WDR31: variants seen among roughly 807,000 people sequenced by gnomAD.
WDR31 encodes the protein WD repeat domain 31.
In WDR31, 30 loss-of-function variants were observed where a neutral mutation model predicts 47.3. That is an observed-to-expected ratio of 0.63 (90% confidence interval 0.47 to 0.86). The LOEUF is 0.86. Ranked by LOEUF, WDR31 falls within the 40% of genes least tolerant of loss-of-function variation. The probability of loss-of-function intolerance (pLI) is 0.00; values close to 1 mark genes in which losing one functional copy is unlikely to be tolerated. For missense variants in WDR31, 406 were observed against 442.9 expected (o/e 0.92, Z 0.75); for synonymous variants, 137 against 159.4 (o/e 0.86, Z 1.06).
chr9:113,321,517 G>T lies in WDR31; in HGVS notation c.632C>A (p.Thr211Asn), dbSNP rs1036615052. The T allele has an allele frequency of 1.9e-6, 3 of 1,614,130 alleles. No individual in the cohort carries two copies. Among genetic ancestry groups the T allele is most frequent in the South Asian group, 1.1e-5 (1 of 91,070 alleles). Residue 211 changes from threonine to asparagine, a missense_variant, in exon 8 of 11, where the codon ACC becomes AAC. Transcript: ENST00000374193. ...PYILQTSEDKTLRLWDSRGLQ... is the reference protein window; with the variant it reads ...PYILQTSEDKNLRLWDSRGLQ... The stretch of plus-strand genomic sequence containing the variant: ...AGCTGCTCAGTAAGCCCACCTGAGG[G>T]TTTTATCTTCAGAGGTCTGTAGTAT...
At chr9:113,318,684 C>T (rs780537446) in intron 9 of WDR31, 47 bp from the exon 10 acceptor site, 41 of 1,601,608 alleles carry the variant, frequency 2.6e-5, no homozygotes, top group Admixed American at 8.4e-5. Context: ...TGTCTAGCTT[C>T]ATCCATGAAT....
At position 113,316,551 on chromosome 9, in the gene WDR31, A is replaced by G; in HGVS notation, c.*198T>C. The G allele has an allele frequency of 1.7e-6, 1 of 588,042 alleles. No homozygotes were observed. Among genetic ancestry groups the G allele is most frequent in the East Asian group, 2.8e-5 (1 of 35,370 alleles). 36.4% of individuals were successfully genotyped at this position (588,042 alleles called of 1,614,324 possible). A position where few individuals can be genotyped will look rare whatever the true frequency, so the allele number is the denominator to read the frequency against. On this transcript the variant is annotated 3_prime_UTR_variant, in exon 11 of 11. Transcript: ENST00000374193. Reference sequence around the variant, plus strand: ...AAATAGAGAACCTTATGTGTAGTCCATGTTTCTGGACTCTATACCTGATTT... The same window carrying G: ...AAATAGAGAACCTTATGTGTAGTCCGTGTTTCTGGACTCTATACCTGATTT...
chr9:113,318,460 C>G lies in WDR31; in HGVS notation c.943+15G>C, dbSNP rs537229412. 1.9e-6 allele frequency: 3 copies of G among 1,614,118 alleles called. No homozygotes were observed. In the African/African-American group the frequency reaches 4.0e-5, roughly 22 times the overall value. On this transcript the variant is annotated intron_variant, in intron 10 of 10. Transcript: ENST00000374193. ...TCATGTATCTTTTGAGGAGAACTAA[C>G]AGCAGGCTGCTTACCTCCAGTATCT...
intron 2 of WDR31, among the ~76,000 whole-genome samples, chr9:113,332,478 G>A (rs946077385): frequency 2.6e-5 from 4 of 152,168 alleles, no homozygotes; most frequent in Admixed American, 2.6e-4. Flanking sequence ...AAGGAATGAA[G>A]TACTCGTACA....
At chr9:113,322,713 A>C in intron 7 of WDR31, 98 bp downstream of exon 7, 1 of 1,250,708 alleles carries the variant, frequency 8.0e-7, no homozygotes, top group African/African-American at 1.5e-5. Context: ...CCCAGGCTCT[A>C]ATTTCTGCTC....
chr9:113,328,617 T>G (rs1005765050), intron 5 of WDR31, among the ~76,000 whole-genome samples: 1 of 152,176 alleles, frequency 6.6e-6, no homozygotes, highest in African/African-American at 2.4e-5. Context: ...TCAGGATAGG[T>G]CAAGAGTTGT....
chr9:113,336,634 A>C (rs187306986), intron 1 of WDR31, among the ~76,000 whole-genome samples, 194 bp from the exon 2 acceptor site: 1 of 152,332 alleles, frequency 6.6e-6, no homozygotes, highest in Admixed American at 6.5e-5. Flanking sequence ...ATTTAAATAC[A>C]TTGTTAAACA....
intron 8 of WDR31, 148 bp from the exon 9 acceptor site, chr9:113,320,646 A>G (rs1296698701): frequency 2.0e-6 from 2 of 995,442 alleles, no homozygotes; most frequent in Non-Finnish European, 2.8e-6. Flanking sequence ...GGCAGCATGA[A>G]CCAGATCAAT....
chr9:113,320,396 G>A lies in WDR31; in HGVS notation c.741C>T (p.Ser247=), dbSNP rs1343560265. The A allele has an allele frequency of 6.2e-7, 1 of 1,614,128 alleles. No homozygotes were observed. The highest frequency in any genetic ancestry group is 1.3e-5 in the African/African-American group (1 of 74,940). Reference sequence around the variant, plus strand: ...CTTCTCCTCCAAAGCCATTGCTGCAGGAGATACACTTGTGTCCATCCACAC... The same window carrying A: ...CTTCTCCTCCAAAGCCATTGCTGCAAGAGATACACTTGTGTCCATCCACAC... ...EVSVDGHKCI[S]CSNGFGGEGC... The change falls in exon 9 of 11, where the codon TCC becomes TCT. Residue 247 remains serine (S), a synonymous_variant. Transcript: ENST00000374193.
intron 5 of WDR31, among the ~76,000 whole-genome samples, chr9:113,327,149 C>T (rs981270516): frequency 1.3e-5 from 2 of 152,114 alleles, no homozygotes; most frequent in African/African-American, 2.4e-5. Context: ...CTTATTTTTT[C>T]AATTTCTTGT....
chr9:113,320,090 T>C (rs1157281385), intron 9 of WDR31, among the ~76,000 whole-genome samples: 1 of 152,184 alleles, frequency 6.6e-6, no homozygotes, highest in South Asian at 2.1e-4. Context: ...CAGCTAACTT[T>C]TTATTTTTTT....
intron 5 of WDR31, among the ~76,000 whole-genome samples, chr9:113,326,191 G>A (rs1213065832): frequency 2.6e-5 from 4 of 152,286 alleles, no homozygotes; most frequent in Middle Eastern, 3.4e-3. Flanking sequence ...GATTACAGGC[G>A]TGAGCCACCG....
At chr9:113,322,740 A>T (rs1833351492) in intron 7 of WDR31, 71 bp downstream of exon 7, 1 of 1,496,452 alleles carries the variant, frequency 6.7e-7, no homozygotes, top group Non-Finnish European at 9.1e-7. Context: ...CTCCTGATTT[A>T]TCTCCCGAGC....
intron 10 of WDR31, 39 bp from the exon 11 acceptor site, chr9:113,316,948 T>C: frequency 6.3e-7 from 1 of 1,595,470 alleles, no homozygotes; most frequent in Non-Finnish European, 8.5e-7. Context: ...AGGCCAAGAG[T>C]GTAGCATCAT....
chr9:113,330,127 G>A (rs1833563754), intron 4 of WDR31, among the ~76,000 whole-genome samples: 1 of 152,110 alleles, frequency 6.6e-6, no homozygotes, highest in Non-Finnish European at 1.5e-5. Flanking sequence ...TTGAGACAGA[G>A]TCTTGCTCTG....
intron 7 of WDR31, 102 bp downstream of exon 7, chr9:113,322,709 C>T: frequency 8.5e-7 from 1 of 1,172,394 alleles, no homozygotes; most frequent in Non-Finnish European, 1.2e-6. Flanking sequence ...GGGACCCAGG[C>T]TCTAATTTCT....
chr9:113,328,330 G>A (rs1833521884), intron 5 of WDR31, among the ~76,000 whole-genome samples: 1 of 152,190 alleles, frequency 6.6e-6, no homozygotes, highest in African/African-American at 2.4e-5. Flanking sequence ...CTGATGCCTA[G>A]TTTCATTATA....
intron 1 of WDR31, among the ~76,000 whole-genome samples, chr9:113,338,613 C>A (rs1177117010): frequency 7.0e-6 from 1 of 141,938 alleles, no homozygotes; most frequent in African/African-American, 2.5e-5. Flanking sequence ...CTTGGTGGTA[C>A]GCTATTTTTT....
intron 7 of WDR31, 127 bp from the exon 8 acceptor site, chr9:113,321,705 C>A (rs1289060135): frequency 1.2e-6 from 1 of 860,458 alleles, no homozygotes; most frequent in Non-Finnish European, 1.8e-6. Context: ...AATTCATTTA[C>A]AGGCATCTTA....
Sources: gnomAD v4.1 joint callset for allele counts (sites outside exome capture counted in the v4.1 genomes callset) on GRCh38, gnomAD v4.1.1 for gene constraint, MANE v1.5 for transcripts, NCBI Gene and HGNC (gene_info 2026-07-23, HGNC 2026-07-21) for gene names.